The following BRCC3 variants were observed in gnomAD, a reference collection of about 807,000 sequenced individuals.
The protein encoded by BRCC3 is lys-63-specific deubiquitinase BRCC36.
A neutral mutation model predicts 28.0 loss-of-function variants in BRCC3; 15 were observed. The ratio of observed to expected loss-of-function variants is 0.54; its 90% CI spans 0.36 to 0.82. The LOEUF (loss-of-function observed/expected upper bound fraction) is 0.82. BRCC3 is among the 40% of genes least tolerant of loss of function. BRCC3 has a pLI of 0.01. For synonymous variants in BRCC3, 66 were observed against 80.3 expected, an observed-to-expected ratio of 0.82 and a Z score of 0.95; for missense variants, 109 against 225.9, an observed-to-expected ratio of 0.48 and a Z score of 3.32.
At chrX:155,097,194 CT>C (rs1268957864) in intron 7 of BRCC3, among the ~76,000 whole-genome samples, 1 of 111,082 alleles carries the variant, frequency 9.0e-6, no homozygotes, top group Non-Finnish European at 1.9e-5. Context: ...GCAAAAGAAA[CT>C]GAACAAAATG....
In BRCC3 at chrX:155,090,811, C is replaced by T; in HGVS notation, c.520C>T (p.Gln174Ter). 8.3e-7 allele frequency: 1 copy of T among 1,197,860 alleles called. No individual in the cohort carries two copies. Among genetic ancestry groups the T allele is most frequent in the Non-Finnish European group, 1.1e-6 (1 of 885,517 alleles). ...TGGCCGGGTACTCTACACTTGCTTC[C>T]AATCCATACAGGCCCAAAAGAGTTC... ...KTGRVLYTCF[Q>*]SIQAQKSSEY... The change falls in exon 7 of 11, where the codon CAA becomes TAA. Residue 174 changes from glutamine to a stop codon, truncating the protein, a stop_gained. Coordinates refer to ENST00000330045, the MANE Select transcript of BRCC3 (RefSeq NM_001018055.3). LOFTEE classifies it high-confidence loss of function.
intron 9 of BRCC3, among the ~76,000 whole-genome samples, chrX:155,117,515 G>A (rs782072097): frequency 5.4e-5 from 6 of 111,054 alleles, no homozygotes; most frequent in Non-Finnish European, 1.1e-4. Context: ...TGTTATAGGC[G>A]GTTACTTTTC....
chrX:155,091,420 T>C (rs2074173769), intron 7 of BRCC3, among the ~76,000 whole-genome samples: 1 of 110,522 alleles, frequency 9.0e-6, no homozygotes, highest in African/African-American at 3.3e-5. Flanking sequence ...TACAGGCATG[T>C]ACCACCACGC....
intron 7 of BRCC3, among the ~76,000 whole-genome samples, chrX:155,104,062 A>G (rs2074262793): frequency 9.0e-6 from 1 of 111,296 alleles, no homozygotes; most frequent in Non-Finnish European, 1.9e-5. Context: ...TCTTTTCTAT[A>G]CTTAACATGT....
intron 5 of BRCC3, among the ~76,000 whole-genome samples, chrX:155,087,665 G>A (rs1257980294): frequency 8.9e-6 from 1 of 111,889 alleles, no homozygotes; most frequent in African/African-American, 3.3e-5. Flanking sequence ...GTGGGAAGAT[G>A]AGAAGGATCC....
In BRCC3 at chrX:155,120,147, A is replaced by C. The variant is rs782404142; in HGVS notation, c.873A>C (p.Glu291Asp). The stretch of plus-strand genomic sequence containing the variant: ...TTATGCAAGAACTTTCTTCTCTAGA[A>C]TAAATCAGGAGACAAAATGGGGTAA... ...EELMQELSSLE is the reference protein window; with the variant it reads ...EELMQELSSLD Residue 291 changes from glutamate to aspartate, a missense_variant, in exon 10 of 11, where the codon GAA becomes GAC. By Grantham distance (45) the Glu-to-Asp change is conservative (BLOSUM62 2). This residue lies in a region of BRCC3 where 50 missense variants were observed against 115.2 expected (regional missense o/e 0.43). Coordinates refer to ENST00000330045, the MANE Select transcript of BRCC3 (RefSeq NM_001018055.3). 2.0e-5 allele frequency: 24 copies of C among 1,201,515 alleles called. No homozygotes were observed. Among genetic ancestry groups the C allele is most frequent in the South Asian group, 3.6e-5 (2 of 55,260 alleles).
intron 9 of BRCC3, among the ~76,000 whole-genome samples, chrX:155,119,376 G>A (rs1274860120): frequency 1.8e-5 from 2 of 111,832 alleles, no homozygotes; most frequent in Non-Finnish European, 3.8e-5. Flanking sequence ...TATTATGAGA[G>A]AGAAAAAGAT....
intron 5 of BRCC3, among the ~76,000 whole-genome samples, chrX:155,085,353 C>G (rs1294081909): frequency 1.8e-5 from 2 of 112,608 alleles, no homozygotes; most frequent in Non-Finnish European, 3.8e-5. Flanking sequence ...AAAACTGTTT[C>G]TTAAATACCT....
At chrX:155,110,942 A>G (rs2074317685) in intron 7 of BRCC3, among the ~76,000 whole-genome samples, 1 of 111,290 alleles carries the variant, frequency 9.0e-6, no homozygotes, top group Non-Finnish European at 1.9e-5. Context: ...CCAAAGTCTC[A>G]TAACTTAATA....
chrX:155,120,228 C>T, intron 10 of BRCC3, 60 bp downstream of exon 10: 1 of 872,723 alleles, frequency 1.1e-6, no homozygotes, highest in Middle Eastern at 2.8e-4. Flanking sequence ...ACACAGCTCA[C>T]ATGCAGGCAG....
At chrX:155,119,202 G>T (rs1387459896) in intron 9 of BRCC3, among the ~76,000 whole-genome samples, 1 of 112,090 alleles carries the variant, frequency 8.9e-6, no homozygotes, top group Non-Finnish European at 1.9e-5. Flanking sequence ...GAGACAATTA[G>T]GTGAGGATGT....
At chrX:155,090,710 G>C (rs2074168490) in intron 6 of BRCC3, 74 bp from the exon 7 acceptor site, 1 of 786,629 alleles carries the variant, frequency 1.3e-6, no homozygotes, top group African/African-American at 2.1e-5. Context: ...TGCTTCTAGA[G>C]GGACCTTTGG....
chrX:155,086,461 C>T (rs782202442), intron 5 of BRCC3, among the ~76,000 whole-genome samples: 14 of 111,774 alleles, frequency 1.3e-4, no homozygotes, highest in Admixed American at 2.8e-4. Context: ...AGCGATTCTC[C>T]TGTCTTAGCT....
intron 7 of BRCC3, among the ~76,000 whole-genome samples, chrX:155,094,781 T>C (rs1395537444): frequency 5.4e-5 from 6 of 112,048 alleles, no homozygotes; most frequent in Non-Finnish European, 1.1e-4. Flanking sequence ...ACTAGGTGGA[T>C]TGTTACAAAA....
chrX:155,113,315 A>G (rs782668013), intron 7 of BRCC3, among the ~76,000 whole-genome samples: 9 of 108,936 alleles, frequency 8.3e-5, no homozygotes, highest in South Asian at 4.0e-4. Flanking sequence ...TGTGGTATCA[A>G]TGAAACAGAA....
chrX:155,102,456 A>G (rs1309329061), intron 7 of BRCC3, among the ~76,000 whole-genome samples: 3 of 112,229 alleles, frequency 2.7e-5, no homozygotes, highest in African/African-American at 6.5e-5. Flanking sequence ...GCTAAATTCA[A>G]TTACTTTTAA....
intron 7 of BRCC3, among the ~76,000 whole-genome samples, chrX:155,100,532 C>T (rs782384306): frequency 8.9e-6 from 1 of 112,041 alleles, no homozygotes; most frequent in South Asian, 3.7e-4. Flanking sequence ...GGAAAATGTC[C>T]TTCATTTTGG....
chrX:155,075,517 T>A (rs1406735391), intron 3 of BRCC3, among the ~76,000 whole-genome samples: 1 of 112,406 alleles, frequency 8.9e-6, no homozygotes, highest in Non-Finnish European at 1.9e-5. Context: ...CAAGCTCATC[T>A]TCTTTCCTTC....
intron 7 of BRCC3, among the ~76,000 whole-genome samples, chrX:155,114,190 A>G (rs953671838): frequency 1.7e-4 from 19 of 111,951 alleles, no homozygotes; most frequent in African/African-American, 4.2e-4. Flanking sequence ...ACAATAGTCT[A>G]GAAGTAAAAG....
Sources: allele counts gnomAD v4.1 joint callset (sites outside exome capture counted in the v4.1 genomes callset), GRCh38; gene constraint gnomAD v4.1.1; regional missense constraint gnomAD v4.1.1; transcripts MANE v1.5; gene names NCBI Gene and HGNC (gene_info 2026-07-23, HGNC 2026-07-21).